The following SNTG1 variants were observed in gnomAD, a reference collection of about 807,000 sequenced individuals.
SNTG1 encodes the protein gamma-1-syntrophin.
SNTG1 carries 39 observed loss-of-function variants against 74.7 expected under a neutral mutation model. The ratio of observed to expected loss-of-function variants is 0.52; its 90% CI spans 0.40 to 0.68. SNTG1 has a LOEUF of 0.68. Ranked by LOEUF, SNTG1 falls within the 30% of genes least tolerant of loss-of-function variation. SNTG1 has a pLI of 0.00. For synonymous variants in SNTG1, 254 were observed against 217.1 expected, an observed-to-expected ratio of 1.17 and a Z score of -1.49; for missense variants, 685 against 609.5, an observed-to-expected ratio of 1.12 and a Z score of -1.30.
intron 11 of SNTG1, among the ~76,000 whole-genome samples, chr8:50,538,248 T>C (rs749544548): frequency 3.9e-5 from 6 of 152,158 alleles, no homozygotes; most frequent in Non-Finnish European, 8.8e-5. Flanking sequence ...CATCAAACAC[T>C]ATATCGGGTG....
chr8:50,199,171 A>C (rs909111749), intron 2 of SNTG1, among the ~76,000 whole-genome samples: 4 of 151,482 alleles, frequency 2.6e-5, no homozygotes, highest in African/African-American at 9.7e-5. Context: ...TCTTGTGATT[A>C]GACAAAACTG....
intron 13 of SNTG1, among the ~76,000 whole-genome samples, chr8:50,634,564 A>C (rs2131133299): frequency 6.6e-6 from 1 of 152,352 alleles, no homozygotes; most frequent in East Asian, 1.9e-4. Flanking sequence ...CCCTTTACCT[A>C]GTTTCTCCCA....
At chr8:50,041,936 T>A (rs768439110) in intron 1 of SNTG1, among the ~76,000 whole-genome samples, 13 of 152,188 alleles carry the variant, frequency 8.5e-5, no homozygotes, top group Non-Finnish European at 1.6e-4. Flanking sequence ...TACTCCACAC[T>A]TTTGAATATC....
chr8:50,223,040 G>A (rs1377428477), intron 2 of SNTG1, among the ~76,000 whole-genome samples: 1 of 151,954 alleles, frequency 6.6e-6, no homozygotes, highest in Non-Finnish European at 1.5e-5. Context: ...GAAAGACCCT[G>A]AAAACCTTGG....
At chr8:50,184,325 C>T (rs2083308747) in intron 2 of SNTG1, among the ~76,000 whole-genome samples, 1 of 152,036 alleles carries the variant, frequency 6.6e-6, no homozygotes, top group Non-Finnish European at 1.5e-5. Context: ...ACCACCACAC[C>T]TGGCTAGTTT....
intron 15 of SNTG1, among the ~76,000 whole-genome samples, chr8:50,692,702 C>A (rs1585552490): frequency 6.6e-6 from 1 of 152,200 alleles, no homozygotes; most frequent in African/African-American, 2.4e-5. Context: ...GGGTCAGGGA[C>A]CCACTTGAGG....
intron 1 of SNTG1, among the ~76,000 whole-genome samples, chr8:49,963,484 A>G (rs1446792847): frequency 6.6e-6 from 1 of 152,124 alleles, no homozygotes; most frequent in Non-Finnish European, 1.5e-5. Context: ...TTATATTACT[A>G]TTCCAATGCA....
intron 1 of SNTG1, among the ~76,000 whole-genome samples, chr8:50,008,981 CCA>C (rs1437098718): frequency 2.0e-5 from 3 of 152,000 alleles, no homozygotes; most frequent in Admixed American, 2.0e-4. Flanking sequence ...TTCTTCAATC[CCA>C]CAGTTTGCCT....
rs183777723 is a variant in SNTG1 at position 50,151,087 on chromosome 8, G to C, written c.-102-21474G>C. ...ACTATTAATTATTTCCTCAATTTCA[G>C]AGCCTGTTATTGGTCTATTCAGGGA... On this transcript the variant is annotated intron_variant, in intron 1 of 18. Transcript: ENST00000642720. Among the ~76,000 whole-genome samples, 343 of 152,234 alleles carry C rather than the reference G, an allele frequency of 2.3e-3. 1 individual carries two copies. Among genetic ancestry groups the C allele is most frequent in the Non-Finnish European group, 3.8e-3 (261 of 68,014 alleles).
chr8:50,625,358 A>G (rs2094949605), intron 13 of SNTG1, among the ~76,000 whole-genome samples: 1 of 152,196 alleles, frequency 6.6e-6, no homozygotes, highest in Non-Finnish European at 1.5e-5. Flanking sequence ...TAAGCACTGT[A>G]TTTAATGAAC....
chr8:50,273,626 A>C (rs1351441628), intron 2 of SNTG1, among the ~76,000 whole-genome samples: 3 of 152,230 alleles, frequency 2.0e-5, no homozygotes, highest in African/African-American at 7.2e-5. Flanking sequence ...TGCATGATGC[A>C]GTTTCAAACA....
At chr8:50,538,239 A>T (rs1424208523) in intron 11 of SNTG1, among the ~76,000 whole-genome samples, 1 of 152,132 alleles carries the variant, frequency 6.6e-6, no homozygotes, top group Non-Finnish European at 1.5e-5. Flanking sequence ...CTATATATAC[A>T]TCAAACACTA....
At chr8:50,128,549 C>T (rs2081216978) in intron 1 of SNTG1, among the ~76,000 whole-genome samples, 1 of 152,060 alleles carries the variant, frequency 6.6e-6, no homozygotes, top group South Asian at 2.1e-4. Flanking sequence ...GATAAATAAA[C>T]CATATATTGT....
chr8:50,538,816 A>T (rs2094326227), intron 11 of SNTG1, among the ~76,000 whole-genome samples: 1 of 152,054 alleles, frequency 6.6e-6, no homozygotes, highest in Non-Finnish European at 1.5e-5. Context: ...TGTTGATGCA[A>T]ATATTAACCC....
chr8:50,752,134 A>AT, intron 18 of SNTG1, 23 bp downstream of exon 18: 1 of 1,356,832 alleles, frequency 7.4e-7, no homozygotes, highest in Non-Finnish European at 1.0e-6. Flanking sequence ...AATTCATCAC[A>AT]TAACACCTCT....
chr8:50,640,751 C>T (rs1044547630), intron 13 of SNTG1, among the ~76,000 whole-genome samples: 3 of 152,062 alleles, frequency 2.0e-5, no homozygotes, highest in Non-Finnish European at 4.4e-5. Context: ...GTCTTCATGT[C>T]TCCTTAACAC....
chr8:50,723,862 C>T (rs7460470), intron 17 of SNTG1, among the ~76,000 whole-genome samples: 2 of 151,936 alleles, frequency 1.3e-5, no homozygotes, highest in South Asian at 4.2e-4. Flanking sequence ...GGAAAAGACT[C>T]CCTAAGGCAG....
chr8:50,506,403 G>C (rs957773646), intron 9 of SNTG1, among the ~76,000 whole-genome samples: 5 of 151,948 alleles, frequency 3.3e-5, no homozygotes, highest in African/African-American at 1.2e-4. Context: ...ATTTTGATAG[G>C]GATTGCATTG....
intron 9 of SNTG1, among the ~76,000 whole-genome samples, chr8:50,507,790 C>A (rs1476802126): frequency 6.6e-6 from 1 of 151,832 alleles, no homozygotes; most frequent in Admixed American, 6.6e-5. Context: ...CCCATTAACT[C>A]ATCATTTAAC....
Sources: allele counts gnomAD v4.1 joint callset (sites outside exome capture counted in the v4.1 genomes callset), GRCh38; gene constraint gnomAD v4.1.1; transcripts MANE v1.5; gene names NCBI Gene and HGNC (gene_info 2026-07-23, HGNC 2026-07-21).